Variants in UHRF2 observed in about 807,000 individuals in gnomAD.
UHRF2 encodes ubiquitin like with PHD and ring finger domains 2.
In UHRF2, 23 loss-of-function variants were observed where a neutral mutation model predicts 96.8. That is an observed-to-expected ratio of 0.24 (90% CI 0.17 to 0.34). The LOEUF is 0.34. Ranked by LOEUF, UHRF2 falls within the 10% of genes least tolerant of loss-of-function variation. The pLI, the probability that UHRF2 is intolerant of heterozygous loss-of-function variation, is 1.00. For missense variants in UHRF2, 685 were observed against 981.5 expected (o/e 0.70, Z 4.04); for synonymous variants, 385 against 332.6 (o/e 1.16, Z -1.72).
chr9:6,487,034 T>C, intron 9 of UHRF2, 109 bp downstream of exon 9: 1 of 965,584 alleles, frequency 1.0e-6, no homozygotes, highest in Non-Finnish European at 1.6e-6. Context: ...TAGCACAGTT[T>C]TTGTTGAAGT....
At chr9:6,468,916 G>C (rs367769125) in intron 4 of UHRF2, among the ~76,000 whole-genome samples, 1 of 152,152 alleles carries the variant, frequency 6.6e-6, no homozygotes, top group African/African-American at 2.4e-5. Context: ...TATCTCTCCA[G>C]CAGTAGGAAG....
At chr9:6,430,664 T>C (rs1007520269) in intron 2 of UHRF2, among the ~76,000 whole-genome samples, 6 of 152,082 alleles carry the variant, frequency 3.9e-5, no homozygotes, top group East Asian at 1.9e-4. Flanking sequence ...CACAGCCAGG[T>C]ACCAAACAAC....
chr9:6,418,101 G>A (rs1277649433), intron 1 of UHRF2, among the ~76,000 whole-genome samples: 3 of 151,932 alleles, frequency 2.0e-5, no homozygotes, highest in East Asian at 1.9e-4. Flanking sequence ...TGTATGTTAC[G>A]CTTTTTCAGC....
chr9:6,487,175 T>A, intron 9 of UHRF2, among the ~76,000 whole-genome samples: 1 of 142,760 alleles, frequency 7.0e-6, no homozygotes, highest in East Asian at 2.0e-4. Flanking sequence ...GCTTTTATTT[T>A]TTTTTCCTTT....
At chr9:6,425,394 C>G (rs1398464475) in intron 2 of UHRF2, among the ~76,000 whole-genome samples, 2 of 152,134 alleles carry the variant, frequency 1.3e-5, no homozygotes, top group Admixed American at 6.5e-5. Context: ...TCAGGTACAT[C>G]TTGTATATTT....
intron 1 of UHRF2, among the ~76,000 whole-genome samples, chr9:6,417,383 G>A (rs760501803): frequency 7.9e-5 from 12 of 152,182 alleles, no homozygotes; most frequent in Non-Finnish European, 1.6e-4. Flanking sequence ...ATGGACCTAA[G>A]TTACATGCTT....
intron 3 of UHRF2, among the ~76,000 whole-genome samples, chr9:6,445,470 A>G (rs1236859565): frequency 6.6e-6 from 1 of 152,174 alleles, no homozygotes; most frequent in East Asian, 1.9e-4. Context: ...CATGTTGGCC[A>G]GGCTGGTCTA....
At chr9:6,452,132 C>A (rs1821911215) in intron 3 of UHRF2, among the ~76,000 whole-genome samples, 1 of 151,570 alleles carries the variant, frequency 6.6e-6, no homozygotes, top group African/African-American at 2.4e-5. Context: ...TAGTATGTTT[C>A]TCATTTCTTT....
At chr9:6,497,451 G>C in intron 11 of UHRF2, 91 bp downstream of exon 11, 2 of 1,411,214 alleles carry the variant, frequency 1.4e-6, no homozygotes, top group South Asian at 2.8e-5. Context: ...TGGGCTCGAG[G>C]AAACAGTAGC....
intron 3 of UHRF2, among the ~76,000 whole-genome samples, chr9:6,450,737 C>T (rs1245516191): frequency 6.6e-6 from 1 of 152,184 alleles, no homozygotes; most frequent in African/African-American, 2.4e-5. Context: ...TATATTGTCT[C>T]ATCTTTAGCC....
intron 3 of UHRF2, among the ~76,000 whole-genome samples, chr9:6,444,701 A>G (rs554789155): frequency 6.6e-6 from 1 of 152,232 alleles, no homozygotes; most frequent in African/African-American, 2.4e-5. Context: ...TCCAGGGTTC[A>G]AGTGATGTCT....
intron 4 of UHRF2, among the ~76,000 whole-genome samples, chr9:6,469,944 A>G (rs1438881739): frequency 6.6e-6 from 1 of 152,172 alleles, no homozygotes; most frequent in Non-Finnish European, 1.5e-5. Context: ...GGATAAATAT[A>G]AAGAAAATGC....
intron 9 of UHRF2, among the ~76,000 whole-genome samples, chr9:6,491,924 G>A (rs114384498): frequency 3.3e-5 from 5 of 152,082 alleles, no homozygotes; most frequent in African/African-American, 1.2e-4. Context: ...ATAGAGACAA[G>A]GTCTCGCTAT....
intron 9 of UHRF2, among the ~76,000 whole-genome samples, chr9:6,488,422 A>G (rs1224536010): frequency 6.6e-6 from 1 of 151,188 alleles, no homozygotes; most frequent in Non-Finnish European, 1.5e-5. Context: ...CAGGCTGAAC[A>G]TTTATATTAC....
intron 4 of UHRF2, among the ~76,000 whole-genome samples, chr9:6,471,257 T>C (rs554400256): frequency 1.3e-5 from 2 of 152,284 alleles, no homozygotes; most frequent in South Asian, 2.1e-4. Flanking sequence ...TCAAGACCTG[T>C]GTAGTATCAG....
Position 6,504,620 on chromosome 9 carries a change from T to C in UHRF2, c.2191T>C (p.Phe731Leu), listed in dbSNP as rs1170204188. The part of the protein sequence containing the change: ...PNFLKKLEQS[F>L]MCVCCQELVY... ...TTTTCTGAAAAAATTGGAACAATCT[T>C]TTATGTGCGTTTGCTGTCAGGAGCT... is the stretch of plus-strand genomic sequence containing the variant. Residue 731 changes from phenylalanine (F) to leucine (L), a missense_variant, in exon 15 of 16, where the codon TTT (phenylalanine) becomes CTT (leucine). Physicochemically the swap from Phe to Leu is conservative, Grantham distance 22. Coordinates refer to ENST00000276893, the MANE Select transcript of UHRF2 (RefSeq NM_152896.3). 5 of 1,613,754 alleles carry C rather than the reference T, an allele frequency of 3.1e-6. No homozygotes were observed. Among genetic ancestry groups the C allele is most frequent in the Non-Finnish European group, 4.2e-6 (5 of 1,179,792 alleles).
chr9:6,492,168 G>T, intron 9 of UHRF2: 1 of 232,320 alleles, frequency 4.3e-6, no homozygotes, highest in South Asian at 5.9e-5. Context: ...CAGAATTTTA[G>T]CCATGTTTCC....
intron 8 of UHRF2, among the ~76,000 whole-genome samples, chr9:6,483,985 G>A (rs1295111814): frequency 2.6e-5 from 4 of 151,972 alleles, no homozygotes; most frequent in African/African-American, 4.8e-5. Context: ...CACTGCACCC[G>A]GCTTCATCAT....
intron 14 of UHRF2, among the ~76,000 whole-genome samples, chr9:6,502,515 T>G (rs1164221285): frequency 6.6e-6 from 1 of 152,236 alleles, no homozygotes; most frequent in Non-Finnish European, 1.5e-5. Flanking sequence ...CTCAAACACC[T>G]GGGCTCAGGC....
Sources: gnomAD v4.1 joint callset for allele counts (sites outside exome capture counted in the v4.1 genomes callset) on GRCh38, gnomAD v4.1.1 for gene constraint, MANE v1.5 for transcripts, NCBI Gene and HGNC (gene_info 2026-07-23, HGNC 2026-07-21) for gene names.